NALCN: variants seen among roughly 807,000 people sequenced by gnomAD.
The protein encoded by NALCN is sodium leak channel, non-selective, also known as sodium leak channel NALCN.
In NALCN, 111 loss-of-function variants were observed where a neutral mutation model predicts 225.3. That is an observed-to-expected ratio of 0.49 (90% CI 0.42 to 0.58). The LOEUF (loss-of-function observed/expected upper bound fraction) is 0.58. Ranked by LOEUF, NALCN falls within the 20% of genes least tolerant of loss-of-function variation. The pLI, the probability that NALCN is intolerant of heterozygous loss-of-function variation, is 0.00. For synonymous variants in NALCN, 764 were observed against 769.0 expected (o/e 0.99, Z 0.11); for missense variants, 1,378 against 2,202.4 (o/e 0.63, Z 7.49).
chr13:101,241,480 C>G (rs1408548401), intron 11 of NALCN, among the ~76,000 whole-genome samples: 1 of 152,000 alleles, frequency 6.6e-6, no homozygotes, highest in African/African-American at 2.4e-5. Context: ...ACTCTGTCAC[C>G]CAGTCTGGAG....
chr13:101,282,570 A>G (rs2043202887), intron 10 of NALCN, among the ~76,000 whole-genome samples: 1 of 152,182 alleles, frequency 6.6e-6, no homozygotes, highest in Non-Finnish European at 1.5e-5. Flanking sequence ...AGGATCTAAT[A>G]AACAAAGTGA....
At chr13:101,134,932 C>A (rs1006739296) in intron 17 of NALCN, among the ~76,000 whole-genome samples, 1 of 152,200 alleles carries the variant, frequency 6.6e-6, no homozygotes, top group African/African-American at 2.4e-5. Flanking sequence ...CGGAGACTCA[C>A]GCCTGTAGTC....
At chr13:101,128,883 C>T (rs921486897) in intron 17 of NALCN, among the ~76,000 whole-genome samples, 2 of 152,092 alleles carry the variant, frequency 1.3e-5, no homozygotes, top group Non-Finnish European at 2.9e-5. Flanking sequence ...CTGGATTTTG[C>T]TGAAAGCACA....
chr13:101,110,724 A>G (rs2035383122), intron 19 of NALCN, 36 bp from the exon 20 acceptor site: 2 of 1,606,272 alleles, frequency 1.2e-6, no homozygotes, highest in African/African-American at 1.3e-5. Flanking sequence ...ATACATCTCA[A>G]GATCAAACTG....
intron 13 of NALCN, among the ~76,000 whole-genome samples, chr13:101,208,194 G>A (rs925046055): frequency 5.3e-5 from 8 of 152,092 alleles, no homozygotes; most frequent in South Asian, 2.1e-4. Flanking sequence ...GAACCCACCA[G>A]GAGGGACAAA....
At chr13:101,100,301 A>C (rs1183787026) in intron 27 of NALCN, among the ~76,000 whole-genome samples, 1 of 152,200 alleles carries the variant, frequency 6.6e-6, no homozygotes, top group Non-Finnish European at 1.5e-5. Flanking sequence ...CCTCAAGGGA[A>C]AGTATCCAAA....
rs772263028 is a variant in NALCN at position 101,107,824 on chromosome 13, G to A, written c.2365-35C>T. On this transcript the variant is annotated intron_variant, in intron 20 of 43. Transcript: ENST00000251127. ...AATTAACAGGGGGTGTGTTAAAACAGGAGGGTTTTGAATGCAAAATATATT... is the reference window on the plus strand; with the variant it reads ...AATTAACAGGGGGTGTGTTAAAACAAGAGGGTTTTGAATGCAAAATATATT... The A allele has an allele frequency of 8.9e-6, 14 of 1,565,048 alleles. No homozygotes were observed. The East Asian group carries it at 3.2e-4, about 35-fold the overall frequency.
rs909382822 is a variant in NALCN, at chr13:101,058,044, G to C, written c.4918C>G (p.Gln1640Glu). Residue 1640 changes from glutamine (Q) to glutamate (E), a missense_variant, in exon 43 of 44, where the codon CAG (glutamine) becomes GAG (glutamate). Gln to Glu is a conservative substitution (Grantham distance 29, BLOSUM62 2). Transcript: ENST00000251127. ...GACAGCGTGGGGCTCAGGAGCTGCT[G>C]CTGGCTGCTTGTCTGCATGGGAGGA... ...NSMQPETSSQQQLLSPTLSDR... is the reference protein window; with the variant it reads ...NSMQPETSSQEQLLSPTLSDR... 7 of 1,612,758 alleles carry C rather than the reference G, an allele frequency of 4.3e-6. No homozygotes were observed. Among genetic ancestry groups the C allele is most frequent in the Non-Finnish European group, 5.9e-6 (7 of 1,179,918 alleles).
At chr13:101,115,375 A>C (rs887508350) in intron 18 of NALCN, among the ~76,000 whole-genome samples, 3 of 152,214 alleles carry the variant, frequency 2.0e-5, no homozygotes, top group African/African-American at 7.2e-5. Context: ...AGGCTGTAGC[A>C]GGTGAACTTA....
chr13:101,298,405 T>A (rs2043833066), intron 7 of NALCN, among the ~76,000 whole-genome samples: 1 of 151,546 alleles, frequency 6.6e-6, no homozygotes, highest in Non-Finnish European at 1.5e-5. Context: ...CACTGCAACC[T>A]CTGCCTCCAG....
chr13:101,357,235 G>C (rs1566611696), intron 6 of NALCN, among the ~76,000 whole-genome samples: 1 of 152,150 alleles, frequency 6.6e-6, no homozygotes, highest in Admixed American at 6.5e-5. Context: ...TAGGAAGAGA[G>C]GAAGTGAAAT....
At chr13:101,359,821 T>C (rs2046176009) in intron 6 of NALCN, among the ~76,000 whole-genome samples, 1 of 152,214 alleles carries the variant, frequency 6.6e-6, no homozygotes, top group Non-Finnish European at 1.5e-5. Flanking sequence ...TTGACATTAC[T>C]GGTGAGCTTG....
rs2041265704 is a variant in NALCN at position 101,229,477 on chromosome 13, G to A, written c.1542C>T (p.Ala514=). Reference sequence around the variant, plus strand: ...TTGCTGACATAACAATCAAGAGGCTGGCAGTAAATACAACCAAACTCCCAA... The same window carrying A: ...TTGCTGACATAACAATCAAGAGGCTAGCAGTAAATACAACCAAACTCCCAA... ...KKLGSLVVFT[A]SLLIVMSAIS... is the part of the protein sequence containing the mutation. The change falls in exon 13 of 44, where the codon GCC becomes GCT. Residue 514 remains alanine (A), a synonymous_variant. Coordinates refer to ENST00000251127, the MANE Select transcript of NALCN (RefSeq NM_052867.4). The A allele has an allele frequency of 1.2e-6, 2 of 1,611,630 alleles. No individual in the cohort carries two copies. Among genetic ancestry groups the A allele is most frequent in the Admixed American group, 3.4e-5 (2 of 59,482 alleles).
At chr13:101,188,302 G>A (rs1260190918) in intron 14 of NALCN, among the ~76,000 whole-genome samples, 3 of 152,012 alleles carry the variant, frequency 2.0e-5, no homozygotes, top group Admixed American at 2.0e-4. Flanking sequence ...TATATGTTGA[G>A]TTTGATACCA....
At chr13:101,270,672 T>C (rs549232687) in intron 10 of NALCN, among the ~76,000 whole-genome samples, 7 of 152,320 alleles carry the variant, frequency 4.6e-5, no homozygotes, top group African/African-American at 1.7e-4. Context: ...ATACACAAAG[T>C]GACTTACATT....
rs187658055 is a variant in NALCN, at chr13:101,406,563, A to G, written c.-39-7398T>C. 7.8e-4 allele frequency among the ~76,000 whole-genome samples: 119 copies of G among 152,324 alleles called. 1 individual carries two copies. Among genetic ancestry groups the G allele is most frequent in the Non-Finnish European group, 1.5e-3 (102 of 68,026 alleles). The stretch of plus-strand genomic sequence containing the variant: ...TCTTGGCATCAATTATTTTTTGTGC[A>G]AATAGTACAGACATTTCTCATCTCC... On this transcript the variant is annotated intron_variant, in intron 1 of 43. Transcript: ENST00000251127.
intron 13 of NALCN, among the ~76,000 whole-genome samples, chr13:101,211,715 C>G (rs2040532639): frequency 6.6e-6 from 1 of 150,822 alleles, no homozygotes; most frequent in African/African-American, 2.4e-5. Flanking sequence ...GTTTCTATTG[C>G]AGAGTCATGC....
At chr13:101,370,575 A>G (rs1320410844) in intron 6 of NALCN, among the ~76,000 whole-genome samples, 6 of 152,230 alleles carry the variant, frequency 3.9e-5, no homozygotes, top group Admixed American at 3.3e-4. Flanking sequence ...AGGTAGTCCA[A>G]TAGACCAGTG....
intron 7 of NALCN, among the ~76,000 whole-genome samples, chr13:101,314,775 A>T (rs2139164192): frequency 6.6e-6 from 1 of 152,344 alleles, no homozygotes; most frequent in South Asian, 2.1e-4. Context: ...TTTAAGTTTC[A>T]TTAAAACCCA....
Sources: allele counts gnomAD v4.1 joint callset (sites outside exome capture counted in the v4.1 genomes callset), GRCh38; gene constraint gnomAD v4.1.1; transcripts MANE v1.5; gene names NCBI Gene and HGNC (gene_info 2026-07-23, HGNC 2026-07-21).